Variants in ATP10B observed in about 807,000 individuals in gnomAD.
ATP10B encodes the protein ATPase phospholipid transporting 10B (putative).
In ATP10B, 122 loss-of-function variants were observed where a neutral mutation model predicts 141.2. That is an observed-to-expected ratio of 0.86 (90% CI 0.75 to 1.00). The LOEUF is 1.00. Among genes scored for constraint, ATP10B ranks in the 50% least tolerant of loss-of-function variants. The pLI is 0.00. For synonymous variants in ATP10B, 685 were observed against 692.0 expected (o/e 0.99, Z 0.16); for missense variants, 1,876 against 1,825.3 (o/e 1.03, Z -0.51).
intron 21 of ATP10B, among the ~76,000 whole-genome samples, chr5:160,601,087 T>C (rs1474199800): frequency 6.6e-6 from 1 of 152,234 alleles, no homozygotes; most frequent in Non-Finnish European, 1.5e-5. Context: ...TTTTGGATTC[T>C]AAATAAACAG....
At chr5:160,890,484 TTCTG>T in the ATP10B span, among the ~76,000 whole-genome samples, 1 of 152,130 alleles carries the variant, frequency 6.6e-6, no homozygotes, top group East Asian at 1.9e-4. Context: ...CTCAGCTGCT[TTCTG>T]TCTCTTTGGA....
chr5:160,608,010 T>C (rs1757491432), intron 18 of ATP10B, among the ~76,000 whole-genome samples: 1 of 152,194 alleles, frequency 6.6e-6, no homozygotes, highest in African/African-American at 2.4e-5. Context: ...ACGTGTGCCA[T>C]GTTGGTTGGC....
rs115227516 is a variant in ATP10B at position 160,831,177 on chromosome 5, G to T, written c.-576+20764C>A. On this transcript the variant is annotated intron_variant, in intron 1 of 25. Transcript: ENST00000327245. Reference sequence around the variant, plus strand: ...TATTCATTCAATGGAGAAAATAATAGTATTTCTTAGTTTGTTGTTGAGCCT... The same window carrying T: ...TATTCATTCAATGGAGAAAATAATATTATTTCTTAGTTTGTTGTTGAGCCT... 3.2e-3 allele frequency among the ~76,000 whole-genome samples: 491 copies of T among 151,724 alleles called. 2 individuals are homozygous for T. The highest frequency in any genetic ancestry group is 6.0e-3 in the Non-Finnish European group (406 of 67,926).
intron 3 of ATP10B, 40 bp from the exon 4 acceptor site, chr5:160,688,983 G>A: frequency 1.0e-6 from 1 of 978,078 alleles, no homozygotes; most frequent in Non-Finnish European, 1.2e-6. Context: ...GTCTGCCCAG[G>A]TGGCAAAGAA....
Position 160,620,320 on chromosome 5 carries a change from C to T in ATP10B, c.2416+27G>A. On this transcript the variant is annotated intron_variant, in intron 15 of 25. Coordinates refer to ENST00000327245, the MANE Select transcript of ATP10B (RefSeq NM_025153.3). ...TCTTAAACTATAGAACTCTCTGTGC[C>T]TGGAACCCTGGTAAGGCAGGACTCA... 6.3e-6 allele frequency: 10 copies of T among 1,580,804 alleles called. No homozygotes were observed. In the East Asian group the frequency reaches 6.7e-5, roughly 11 times the overall value.
chr5:160,914,598 C>CT, the ATP10B span, among the ~76,000 whole-genome samples: 1 of 151,912 alleles, frequency 6.6e-6, no homozygotes, highest in Non-Finnish European at 1.5e-5. Context: ...TATTGTTTCC[C>CT]TTTTTTCTGA....
At chr5:160,917,029 G>T in the ATP10B span, among the ~76,000 whole-genome samples, 1 of 152,122 alleles carries the variant, frequency 6.6e-6, no homozygotes, top group African/African-American at 2.4e-5. Context: ...AAGATATAGG[G>T]GTGAGTGTGG....
chr5:160,630,369 A>AG (rs1192390453), intron 13 of ATP10B, among the ~76,000 whole-genome samples: 1 of 152,196 alleles, frequency 6.6e-6, no homozygotes, highest in Non-Finnish European at 1.5e-5. Flanking sequence ...TGCCTGGACC[A>AG]GGGATGCAGT....
intron 13 of ATP10B, among the ~76,000 whole-genome samples, chr5:160,629,095 A>G (rs915545436): frequency 4.6e-5 from 7 of 152,104 alleles, no homozygotes; most frequent in African/African-American, 1.7e-4. Flanking sequence ...TGAGTTCACT[A>G]AGGGAAGGTA....
In ATP10B at chr5:160,653,695, T is replaced by C. The variant is rs186992265; in HGVS notation, c.676-4439A>G. 1.3e-3 allele frequency among the ~76,000 whole-genome samples: 163 copies of C among 124,928 alleles called. 2 individuals are homozygous for C. The East Asian group carries it at 0.028, about 21-fold the overall frequency. The allele number at this position is 124,928 out of a possible 152,430, so 82.0% of individuals were successfully genotyped here. On this transcript the variant is annotated intron_variant, in intron 7 of 25. Coordinates refer to ENST00000327245, the MANE Select transcript of ATP10B (RefSeq NM_025153.3). ...TATTATATATACATATATACATATATACATATACAATATATACATATATAC... is the reference window on the plus strand; with the variant it reads ...TATTATATATACATATATACATATACACATATACAATATATACATATATAC...
intron 1 of ATP10B, among the ~76,000 whole-genome samples, chr5:160,790,124 TG>T (rs998172341): frequency 5.3e-5 from 8 of 152,192 alleles, no homozygotes; most frequent in Admixed American, 1.3e-4. Context: ...GGCTGACCTT[TG>T]CCTAGTTCCA....
intron 1 of ATP10B, among the ~76,000 whole-genome samples, chr5:160,817,903 A>C (rs1773783285): frequency 6.6e-6 from 1 of 152,238 alleles, no homozygotes; most frequent in African/African-American, 2.4e-5. Flanking sequence ...TGCAGAAACG[A>C]TTCCCTATTT....
chr5:160,773,656 T>C (rs1770069191), intron 2 of ATP10B, among the ~76,000 whole-genome samples: 1 of 152,216 alleles, frequency 6.6e-6, no homozygotes, highest in Non-Finnish European at 1.5e-5. Flanking sequence ...ATCTAGGCCT[T>C]AAACTCCATT....
chr5:160,924,077 A>G, the ATP10B span, among the ~76,000 whole-genome samples: 1 of 152,226 alleles, frequency 6.6e-6, no homozygotes, highest in Non-Finnish European at 1.5e-5. Context: ...AGAAAAACAA[A>G]CAGGCTCCAC....
chr5:160,805,277 A>C (rs115624319), intron 1 of ATP10B, among the ~76,000 whole-genome samples: 3,255 of 152,330 alleles, frequency 0.021, 103 homozygotes, highest in African/African-American at 0.073. Context: ...CTGATGACAA[A>C]AATAATTTAG....
intron 2 of ATP10B, among the ~76,000 whole-genome samples, chr5:160,736,011 T>A (rs1364334793): frequency 6.6e-6 from 1 of 152,146 alleles, no homozygotes; most frequent in Admixed American, 6.5e-5. Flanking sequence ...GGGAAGTTTA[T>A]AACTATAAGT....
chr5:160,815,800 A>G (rs1487164247), intron 1 of ATP10B, among the ~76,000 whole-genome samples: 1 of 152,242 alleles, frequency 6.6e-6, no homozygotes, highest in Non-Finnish European at 1.5e-5. Flanking sequence ...AACAGAAATT[A>G]TAACAAACTG....
At chr5:160,730,227 C>T (rs897656752) in intron 2 of ATP10B, among the ~76,000 whole-genome samples, 1 of 152,118 alleles carries the variant, frequency 6.6e-6, no homozygotes, top group Non-Finnish European at 1.5e-5. Context: ...GAAGGTAAGG[C>T]ATCTGCAGGG....
chr5:160,703,266 T>C (rs572914238), intron 3 of ATP10B, among the ~76,000 whole-genome samples: 1 of 152,270 alleles, frequency 6.6e-6, no homozygotes, highest in Admixed American at 6.5e-5. Flanking sequence ...AATGTTGCAA[T>C]GAAGTGAGTC....
Sources: gnomAD v4.1 joint callset for allele counts (sites outside exome capture counted in the v4.1 genomes callset) on GRCh38, gnomAD v4.1.1 for gene constraint, MANE v1.5 for transcripts, NCBI Gene and HGNC (gene_info 2026-07-23, HGNC 2026-07-21) for gene names.